MIPOL1: variants seen among roughly 807,000 people sequenced by gnomAD.
The protein encoded by MIPOL1 is mirror-image polydactyly gene 1 protein.
In MIPOL1, 57 loss-of-function variants were observed where a neutral mutation model predicts 60.9. That is an observed-to-expected ratio of 0.94 (90% confidence interval 0.76 to 1.17). The LOEUF is 1.17. Ranked by LOEUF, MIPOL1 falls within the 50% of genes most tolerant of loss-of-function variation. The pLI is 0.00. For synonymous variants in MIPOL1, 179 were observed against 168.8 expected, an observed-to-expected ratio of 1.06 and a Z score of -0.47; for missense variants, 551 against 511.6, an observed-to-expected ratio of 1.08 and a Z score of -0.74.
At chr14:37,539,116 G>A in intron 12 of MIPOL1, among the ~76,000 whole-genome samples, 1 of 151,958 alleles carries the variant, frequency 6.6e-6, no homozygotes, top group East Asian at 1.9e-4. Flanking sequence ...GCAGGAGAAT[G>A]GCGTGAACCC....
At chr14:37,269,766 C>T (rs1317760945) in intron 5 of MIPOL1, among the ~76,000 whole-genome samples, 1 of 151,984 alleles carries the variant, frequency 6.6e-6, no homozygotes, top group South Asian at 2.1e-4. Context: ...TAGGCAAATC[C>T]CTTCCAAATA....
intron 12 of MIPOL1, among the ~76,000 whole-genome samples, chr14:37,528,219 T>C (rs2095459291): frequency 6.6e-6 from 1 of 152,034 alleles, no homozygotes; most frequent in East Asian, 1.9e-4. Context: ...ATACATATAA[T>C]ATTATGACCT....
intron 1 of MIPOL1, among the ~76,000 whole-genome samples, chr14:37,234,860 C>T (rs956056357): frequency 1.3e-5 from 2 of 151,932 alleles, no homozygotes; most frequent in African/African-American, 4.8e-5. Flanking sequence ...CATGCAAACT[C>T]CGCCTCATGG....
intron 10 of MIPOL1, among the ~76,000 whole-genome samples, chr14:37,397,259 ACC>A (rs1345616276): frequency 6.6e-6 from 1 of 151,908 alleles, no homozygotes; most frequent in Non-Finnish European, 1.5e-5. Context: ...GGGTCTTGCC[ACC>A]CAGCAAGCCT....
chr14:37,534,116 A>G (rs935238867), intron 12 of MIPOL1, among the ~76,000 whole-genome samples: 4 of 151,608 alleles, frequency 2.6e-5, no homozygotes, highest in Non-Finnish European at 4.4e-5. Context: ...GAAGAAGAAG[A>G]TGATGATGAT....
At chr14:37,382,188 G>A (rs373799334) in intron 10 of MIPOL1, among the ~76,000 whole-genome samples, 30 of 152,062 alleles carry the variant, frequency 2.0e-4, no homozygotes, top group African/African-American at 7.2e-4. Flanking sequence ...ATGTAAAGTT[G>A]TGCCCTAAAG....
At chr14:37,279,544 T>C (rs1342716218) in intron 6 of MIPOL1, among the ~76,000 whole-genome samples, 1 of 152,056 alleles carries the variant, frequency 6.6e-6, no homozygotes, top group African/African-American at 2.4e-5. Context: ...AACCAACAAA[T>C]TTCACATCTA....
intron 11 of MIPOL1, among the ~76,000 whole-genome samples, chr14:37,457,538 G>T (rs1393231572): frequency 1.3e-5 from 2 of 152,046 alleles, no homozygotes; most frequent in Non-Finnish European, 2.9e-5. Flanking sequence ...CTACAAGTTG[G>T]TACTTGTGCT....
chr14:37,537,289 C>T (rs963244486), intron 12 of MIPOL1, among the ~76,000 whole-genome samples: 2 of 152,120 alleles, frequency 1.3e-5, no homozygotes, highest in Non-Finnish European at 2.9e-5. Context: ...TCAATGCCAC[C>T]TTAGCTAGGC....
chr14:37,325,546 C>T (rs1595144657), intron 9 of MIPOL1, among the ~76,000 whole-genome samples: 1 of 150,844 alleles, frequency 6.6e-6, no homozygotes, highest in East Asian at 1.9e-4. Context: ...TTTTTCTCCT[C>T]CTCTACCTCC....
At chr14:37,303,740 A>G (rs2086537218) in intron 7 of MIPOL1, among the ~76,000 whole-genome samples, 1 of 151,992 alleles carries the variant, frequency 6.6e-6, no homozygotes, top group Admixed American at 6.6e-5. Flanking sequence ...TGTGTCAGGT[A>G]CAGTGCTAGT....
At chr14:37,200,674 T>G (rs1179129974) in intron 1 of MIPOL1, among the ~76,000 whole-genome samples, 1 of 150,934 alleles carries the variant, frequency 6.6e-6, no homozygotes, top group Non-Finnish European at 1.5e-5. Context: ...GTTTTTTTTT[T>G]TTTTTTTTTT....
chr14:37,445,922 T>C (rs1323901776), intron 11 of MIPOL1, among the ~76,000 whole-genome samples: 2 of 152,104 alleles, frequency 1.3e-5, no homozygotes, highest in Admixed American at 6.5e-5. Flanking sequence ...AGAAATTAAT[T>C]CAAGATGGAT....
intron 10 of MIPOL1, among the ~76,000 whole-genome samples, chr14:37,376,556 A>T (rs2153504722): frequency 6.6e-6 from 1 of 151,920 alleles, no homozygotes; most frequent in South Asian, 2.1e-4. Context: ...AAAAATCAGG[A>T]TATAGTTGCT....
chr14:37,264,340 G>A (rs1191626792), intron 3 of MIPOL1, among the ~76,000 whole-genome samples: 1 of 151,766 alleles, frequency 6.6e-6, no homozygotes, highest in African/African-American at 2.4e-5. Context: ...AAAAAAAATT[G>A]TAAGGTCAGG....
chr14:37,425,264 T>C (rs1425885157), intron 11 of MIPOL1, among the ~76,000 whole-genome samples: 1 of 152,194 alleles, frequency 6.6e-6, no homozygotes, highest in Non-Finnish European at 1.5e-5. Context: ...TGACATTACT[T>C]CCTAACAAGC....
At chr14:37,205,822 T>TA (rs1965994102) in intron 1 of MIPOL1, among the ~76,000 whole-genome samples, 1 of 152,196 alleles carries the variant, frequency 6.6e-6, no homozygotes, top group African/African-American at 2.4e-5. Context: ...GGCTGCATAG[T>TA]ATTCCATGGT....
intron 10 of MIPOL1, among the ~76,000 whole-genome samples, chr14:37,384,479 CTTTA>C (rs1481165806): frequency 6.6e-6 from 1 of 151,630 alleles, no homozygotes; most frequent in Non-Finnish European, 1.5e-5. Context: ...GCAGACATCT[CTTTA>C]TTTAAAGCTT....
chr14:37,281,672 TG>T, intron 6 of MIPOL1, among the ~76,000 whole-genome samples: 1 of 152,336 alleles, frequency 6.6e-6, no homozygotes, highest in Non-Finnish European at 1.5e-5. Context: ...CCCAAAGGGC[TG>T]GGATTACAGG....
Sources: gnomAD v4.1 joint callset for allele counts (sites outside exome capture counted in the v4.1 genomes callset) on GRCh38, gnomAD v4.1.1 for gene constraint, MANE v1.5 for transcripts, NCBI Gene and HGNC (gene_info 2026-07-23, HGNC 2026-07-21) for gene names.